CDH13: variants seen among roughly 807,000 people sequenced by gnomAD.
CDH13 encodes cadherin-13.
Under a neutral mutation model 63.8 loss-of-function variants are expected in CDH13, and 24 were observed. The ratio of observed to expected loss-of-function variants is 0.38; its 90% confidence interval spans 0.27 to 0.53. CDH13 has a LOEUF of 0.53. Ranked by LOEUF, CDH13 falls within the 20% of genes least tolerant of loss-of-function variation. The pLI is 0.85. For synonymous variants in CDH13, 503 were observed against 355.3 expected, an observed-to-expected ratio of 1.42 and a Z score of -4.67; for missense variants, 1,049 against 903.1, an observed-to-expected ratio of 1.16 and a Z score of -2.07.
At chr16:83,476,003 C>T (rs2073594411) in intron 6 of CDH13, among the ~76,000 whole-genome samples, 2 of 152,216 alleles carry the variant, frequency 1.3e-5, no homozygotes, top group Admixed American at 6.5e-5. Context: ...TATTTAGTGT[C>T]AGTTAAGTAT....
intron 2 of CDH13, among the ~76,000 whole-genome samples, chr16:82,974,165 C>T (rs974131164): frequency 2.0e-4 from 31 of 152,190 alleles, no homozygotes; most frequent in African/African-American, 7.5e-4. Context: ...TTTTGAACTC[C>T]TGACCTCAAG....
chr16:83,520,846 G>A (rs1273325772), intron 7 of CDH13, among the ~76,000 whole-genome samples: 1 of 152,028 alleles, frequency 6.6e-6, no homozygotes, highest in Admixed American at 6.6e-5. Flanking sequence ...CATGGCTCTG[G>A]CCTCAGTTCT....
chr16:82,663,828 T>C (rs916614243), intron 1 of CDH13, among the ~76,000 whole-genome samples: 1 of 152,192 alleles, frequency 6.6e-6, no homozygotes, highest in African/African-American at 2.4e-5. Context: ...CTAGGAGATT[T>C]ACCTCTCTGC....
intron 2 of CDH13, among the ~76,000 whole-genome samples, chr16:83,022,659 G>A (rs1202950763): frequency 1.3e-5 from 2 of 152,136 alleles, no homozygotes; most frequent in African/African-American, 4.8e-5. Flanking sequence ...ACAACTTCCA[G>A]GGTGACTGAT....
At chr16:82,832,124 A>G (rs1370649491) in intron 1 of CDH13, among the ~76,000 whole-genome samples, 1 of 152,240 alleles carries the variant, frequency 6.6e-6, no homozygotes. Flanking sequence ...TATTTTATGT[A>G]TGAAGATGTT....
chr16:82,962,944 A>G (rs566615131), intron 2 of CDH13, among the ~76,000 whole-genome samples: 11 of 152,334 alleles, frequency 7.2e-5, no homozygotes, highest in Non-Finnish European at 1.5e-4. Context: ...GCAAAATAAT[A>G]ATTTAGTAAA....
chr16:83,248,451 G>T (rs1905182297), intron 5 of CDH13, among the ~76,000 whole-genome samples: 1 of 152,138 alleles, frequency 6.6e-6, no homozygotes, highest in Non-Finnish European at 1.5e-5. Flanking sequence ...ACATGCAGGT[G>T]TCATTGTATC....
intron 2 of CDH13, among the ~76,000 whole-genome samples, chr16:82,903,605 C>T (rs1400550016): frequency 6.6e-6 from 1 of 152,172 alleles, no homozygotes; most frequent in Admixed American, 6.5e-5. Flanking sequence ...TAGTCGTGAG[C>T]TAACTGGAAA....
In CDH13 at chr16:83,711,416, A is replaced by G. The variant is rs116531238; in HGVS notation, c.1538+32955A>G. On this transcript the variant is annotated intron_variant, in intron 10 of 13. Transcript: ENST00000567109. ...GGCTTTATCTTAGTGTAATCAGTCA[A>G]TTAGCAAACTTTCCTAATGGCTGAG... 3.4e-3 allele frequency among the ~76,000 whole-genome samples: 523 copies of G among 152,334 alleles called. 7 individuals carry two copies. Among genetic ancestry groups the G allele is most frequent in the African/African-American group, 0.012 (507 of 41,588 alleles).
intron 11 of CDH13, among the ~76,000 whole-genome samples, chr16:83,748,830 G>A (rs137950123): frequency 1.8e-4 from 28 of 152,308 alleles, no homozygotes; most frequent in African/African-American, 6.7e-4. Flanking sequence ...TCCTCATGGA[G>A]CTGACGTGCA....
intron 8 of CDH13, among the ~76,000 whole-genome samples, chr16:83,609,027 T>G (rs1368426073): frequency 6.6e-6 from 1 of 151,934 alleles, no homozygotes; most frequent in Non-Finnish European, 1.5e-5. Flanking sequence ...TTTAGAAACT[T>G]TTTTTTTGTT....
chr16:83,710,094 T>G (rs1907785740), intron 10 of CDH13: 1 of 152,228 alleles, frequency 6.6e-6, no homozygotes, highest in South Asian at 2.1e-4. Context: ...GCCACTGGCA[T>G]CTAGGGGGCA....
At chr16:82,898,076 AAAG>A (rs1452016740) in intron 2 of CDH13, among the ~76,000 whole-genome samples, 5 of 152,272 alleles carry the variant, frequency 3.3e-5, no homozygotes, top group Admixed American at 2.6e-4. Context: ...AAGAGTGAAT[AAAG>A]AAAAAATTAT....
chr16:83,413,307 A>G (rs755593608), intron 6 of CDH13, among the ~76,000 whole-genome samples: 4 of 152,360 alleles, frequency 2.6e-5, no homozygotes, highest in East Asian at 1.9e-4. Context: ...TGATATTTTA[A>G]AGCAGCACAT....
chr16:83,174,068 C>G (rs2038027245), intron 4 of CDH13, among the ~76,000 whole-genome samples: 1 of 146,166 alleles, frequency 6.8e-6, no homozygotes, highest in Admixed American at 6.7e-5. Flanking sequence ...AGATAAAACC[C>G]AAATCTGATG....
At chr16:82,935,682 G>C (rs2042645212) in intron 2 of CDH13, among the ~76,000 whole-genome samples, 1 of 152,156 alleles carries the variant, frequency 6.6e-6, no homozygotes, top group Non-Finnish European at 1.5e-5. Context: ...AGGAGAGTCA[G>C]CAATAACCCC....
intron 2 of CDH13, among the ~76,000 whole-genome samples, chr16:82,916,440 G>A (rs1347861249): frequency 6.6e-6 from 1 of 152,146 alleles, no homozygotes; most frequent in Non-Finnish European, 1.5e-5. Context: ...CGGGCATGGT[G>A]GCAGGCACCT....
chr16:83,282,331 A>G (rs1278981400), intron 5 of CDH13, among the ~76,000 whole-genome samples: 3 of 152,226 alleles, frequency 2.0e-5, no homozygotes, highest in South Asian at 2.1e-4. Flanking sequence ...GAATATGTTG[A>G]TAGACATGCT....
chr16:82,781,600 C>G (rs923615003), intron 1 of CDH13, among the ~76,000 whole-genome samples: 1 of 152,106 alleles, frequency 6.6e-6, no homozygotes, highest in Non-Finnish European at 1.5e-5. Context: ...ACCAATCCAC[C>G]TATTAATCTA....
Sources: gnomAD v4.1 joint callset for allele counts (sites outside exome capture counted in the v4.1 genomes callset) on GRCh38, gnomAD v4.1.1 for gene constraint, MANE v1.5 for transcripts, NCBI Gene and HGNC (gene_info 2026-07-23, HGNC 2026-07-21) for gene names.